The following UTP4 variants were observed in gnomAD, a reference collection of about 807,000 sequenced individuals.
The protein encoded by UTP4 is UTP4 small subunit processome component.
In UTP4, 45 loss-of-function variants were observed where a neutral mutation model predicts 82.4. The ratio of observed to expected loss-of-function variants is 0.55; its 90% CI spans 0.43 to 0.70. The LOEUF (loss-of-function observed/expected upper bound fraction) is 0.70. Among genes scored for constraint, UTP4 ranks in the 30% least tolerant of loss-of-function variants. The probability of loss-of-function intolerance (pLI) is 0.00; values close to 1 mark genes in which losing one functional copy is unlikely to be tolerated. For missense variants in UTP4, 819 were observed against 858.3 expected (o/e 0.95, Z 0.57); for synonymous variants, 348 against 300.3 (o/e 1.16, Z -1.64).
chr16:69,133,443 C>A lies in UTP4; in HGVS notation c.-2-15C>A. 1 of 1,613,852 alleles carries A rather than the reference C, an allele frequency of 6.2e-7. No individual in the cohort carries two copies. The highest frequency in any genetic ancestry group is 8.5e-7 in the Non-Finnish European group (1 of 1,179,782). On this transcript the variant is annotated splice_polypyrimidine_tract_variant and intron_variant, in intron 1 of 16. Transcript: ENST00000314423. Reference sequence around the variant, plus strand: ...GTTAACATATAGCAATAATGACTCTCTTTTCGCCCCCTAGGAATGGGTGAA... The same window carrying A: ...GTTAACATATAGCAATAATGACTCTATTTTCGCCCCCTAGGAATGGGTGAA...
In UTP4 at chr16:69,147,216, A is replaced by G. The variant is rs886360891; in HGVS notation, c.739-3321A>G. Among the ~76,000 whole-genome samples, 10 of 147,220 alleles carry G rather than the reference A, an allele frequency of 6.8e-5. 1 individual carries two copies. Among genetic ancestry groups the G allele is most frequent in the Non-Finnish European group, 3.0e-5 (2 of 67,074 alleles). On this transcript the variant is annotated intron_variant, in intron 6 of 16. Transcript: ENST00000314423. Reference sequence around the variant, plus strand: ...AATAATAATAATAATAATAATAATAATAATAAGCCGGGCGTGGTGACTCAC... The same window carrying G: ...AATAATAATAATAATAATAATAATAGTAATAAGCCGGGCGTGGTGACTCAC...
At chr16:69,146,282 A>G (rs904274127) in intron 6 of UTP4, among the ~76,000 whole-genome samples, 3 of 152,128 alleles carry the variant, frequency 2.0e-5, no homozygotes, top group Admixed American at 6.6e-5. Flanking sequence ...CATCACCACA[A>G]ACAGAAACCT....
intron 14 of UTP4, among the ~76,000 whole-genome samples, chr16:69,163,876 G>A (rs1461191026): frequency 1.4e-5 from 2 of 147,142 alleles, no homozygotes; most frequent in South Asian, 2.1e-4. Context: ...TGCTTTGATG[G>A]TCAGTTTGTT....
intron 5 of UTP4, among the ~76,000 whole-genome samples, chr16:69,142,953 A>C (rs75562913): frequency 0.038 from 5,844 of 152,126 alleles, 215 homozygotes; most frequent in Non-Finnish European, 0.048. Context: ...GATCAGGTTC[A>C]CCAGAACTAC....
At chr16:69,167,458 A>G in intron 16 of UTP4, 1 of 413,608 alleles carries the variant, frequency 2.4e-6, no homozygotes, top group Non-Finnish European at 4.5e-6. Flanking sequence ...CTTTGTTGTC[A>G]TGAGAGCTGG....
At chr16:69,164,425 C>G (rs1166043641) in intron 14 of UTP4, among the ~76,000 whole-genome samples, 1 of 151,708 alleles carries the variant, frequency 6.6e-6, no homozygotes, top group Non-Finnish European at 1.5e-5. Flanking sequence ...TAGCAAAGAT[C>G]AAAGACTTGA....
At chr16:69,164,823 T>C (rs1963659496) in intron 14 of UTP4, among the ~76,000 whole-genome samples, 2 of 151,946 alleles carry the variant, frequency 1.3e-5, no homozygotes, top group Admixed American at 6.6e-5. Context: ...TGTGTATTAA[T>C]GTGGGTCAGT....
At chr16:69,140,095 G>A (rs952514316) in intron 5 of UTP4, among the ~76,000 whole-genome samples, 181 bp downstream of exon 5, 3 of 152,022 alleles carry the variant, frequency 2.0e-5, no homozygotes, top group African/African-American at 7.3e-5. Flanking sequence ...TGCTTTTAGG[G>A]GAATCTTGGA....
At position 69,153,675 on chromosome 16, in the gene UTP4, C is replaced by A. The variant is rs368750280; in HGVS notation, c.1094C>A (p.Ala365Glu). 1.9e-6 allele frequency: 3 copies of A among 1,609,532 alleles called. 1 individual carries two copies. In the South Asian group the frequency reaches 3.3e-5, roughly 18 times the overall value. The change falls in exon 9 of 17, where the codon GCA (alanine) becomes GAA (glutamate). Residue 365 changes from alanine to glutamate, a missense_variant. Coordinates refer to ENST00000314423, the MANE Select transcript of UTP4 (RefSeq NM_032830.3). Reference protein sequence around the residue: ...LELWRLGSTVATGKNGDTLPL... With the variant: ...LELWRLGSTVETGKNGDTLPL... ...CTTTGGCGACTGGGATCCACAGTTG[C>A]AACAGGTAAGATGGGAGCACGTTTT...
chr16:69,146,739 G>GT (rs1355927398), intron 6 of UTP4, among the ~76,000 whole-genome samples: 1 of 151,982 alleles, frequency 6.6e-6, no homozygotes, highest in African/African-American at 2.4e-5. Flanking sequence ...GCTCACGCCT[G>GT]TAATCCTAGC....
rs1003746675 is a variant in UTP4, at chr16:69,135,258, C to T, written c.160-1438C>T. Among the ~76,000 whole-genome samples, 13 of 152,200 alleles carry T rather than the reference C, an allele frequency of 8.5e-5. No homozygotes were observed. In the East Asian group the frequency reaches 1.9e-3, roughly 23 times the overall value. On this transcript the variant is annotated intron_variant, in intron 2 of 16. Coordinates refer to ENST00000314423, the MANE Select transcript of UTP4 (RefSeq NM_032830.3). ...AATGGATAAGTCAACCATTCCTTAC[C>T]TAGTGTTCCTTATTTTCTTTTCTCC...
chr16:69,166,656 G>A (rs114442850), intron 15 of UTP4: 3,570 of 189,840 alleles, frequency 0.019, 135 homozygotes, highest in African/African-American at 0.08. Context: ...ATCTGGTTGG[G>A]GGAGAGTCTA....
intron 2 of UTP4, 31 bp downstream of exon 2, chr16:69,133,649 T>C (rs758219795): frequency 1.2e-6 from 2 of 1,607,990 alleles, no homozygotes; most frequent in South Asian, 2.2e-5. Flanking sequence ...ATATGGTGTT[T>C]TGATGTTAAT....
chr16:69,154,918 TG>T (rs1157300537), intron 10 of UTP4, among the ~76,000 whole-genome samples: 2 of 151,632 alleles, frequency 1.3e-5, no homozygotes, highest in African/African-American at 4.8e-5. Context: ...TTAGTAGAGA[TG>T]GGGTTGGTCA....
intron 14 of UTP4, among the ~76,000 whole-genome samples, chr16:69,164,590 A>ATATATATATATATATATATATATATATG (rs1963650265): frequency 9.6e-5 from 7 of 72,668 alleles, no homozygotes; most frequent in African/African-American, 1.6e-4. Flanking sequence ...CATTCTTTAT[A>ATATATATATATATATATATATATATATG]TATATATATA....
In UTP4 at chr16:69,133,496, A is replaced by T; in HGVS notation, c.37A>T (p.Asn13Tyr). 1.2e-6 allele frequency: 2 copies of T among 1,614,136 alleles called. No individual in the cohort carries two copies. Among genetic ancestry groups the T allele is most frequent in the African/African-American group, 1.3e-5 (1 of 75,016 alleles). The change falls in exon 2 of 17, where the codon AAT becomes TAT. Residue 13 changes from asparagine to tyrosine, a missense_variant. Physicochemically the swap from Asn to Tyr is moderately radical, Grantham distance 143. Transcript: ENST00000314423. ...EFKVHRVRFF[N>Y]YVPSGIRCVA... ...TAAGGTCCATCGAGTACGTTTCTTTAATTATGTTCCATCAGGAATCCGCTG... is the reference window on the plus strand; with the variant it reads ...TAAGGTCCATCGAGTACGTTTCTTTTATTATGTTCCATCAGGAATCCGCTG...
chr16:69,154,540 G>C, intron 10 of UTP4, 83 bp downstream of exon 10: 2 of 1,013,760 alleles, frequency 2.0e-6, no homozygotes, highest in Non-Finnish European at 3.1e-6. Flanking sequence ...AGGTTACTTA[G>C]TTTGCATCAT....
At chr16:69,137,659 A>G in intron 3 of UTP4, 142 bp from the exon 4 acceptor site, 1 of 643,470 alleles carries the variant, frequency 1.6e-6, no homozygotes, top group Non-Finnish European at 2.8e-6. Context: ...CTCACAAATG[A>G]TTTTTCTTTT....
intron 13 of UTP4, among the ~76,000 whole-genome samples, chr16:69,162,617 C>T (rs908497742): frequency 2.0e-5 from 3 of 150,918 alleles, no homozygotes; most frequent in Non-Finnish European, 4.4e-5. Flanking sequence ...GAGGCTGAGG[C>T]AGGAGAATCA....
Sources: allele counts gnomAD v4.1 joint callset (sites outside exome capture counted in the v4.1 genomes callset), GRCh38; gene constraint gnomAD v4.1.1; transcripts MANE v1.5; gene names NCBI Gene and HGNC (gene_info 2026-07-23, HGNC 2026-07-21).